The following SESTD1 variants were observed in gnomAD, a reference collection of about 807,000 sequenced individuals.
The protein encoded by SESTD1 is SEC14 domain and spectrin repeat-containing protein 1.
SESTD1 carries 43 observed loss-of-function variants against 101.7 expected under a neutral mutation model. That is an observed-to-expected ratio of 0.42 (90% CI 0.33 to 0.55). The LOEUF is 0.55. Ranked by LOEUF, SESTD1 falls within the 20% of genes least tolerant of loss-of-function variation. The pLI, the probability that SESTD1 is intolerant of heterozygous loss-of-function variation, is 0.07. For missense variants in SESTD1, 647 were observed against 815.1 expected, an observed-to-expected ratio of 0.79 and a Z score of 2.51; for synonymous variants, 283 against 286.8, an observed-to-expected ratio of 0.99 and a Z score of 0.13.
At chr2:179,236,026 AC>A (rs1443376716) in intron 1 of SESTD1, among the ~76,000 whole-genome samples, 5 of 152,088 alleles carry the variant, frequency 3.3e-5, no homozygotes, top group Non-Finnish European at 5.9e-5. Context: ...GAGGATGAGT[AC>A]CCATTCTCTC....
chr2:179,152,199 A>G (rs1041949453), intron 5 of SESTD1, among the ~76,000 whole-genome samples: 2 of 152,206 alleles, frequency 1.3e-5, no homozygotes. Flanking sequence ...CATCATTGCC[A>G]CTCTCACAAT....
chr2:179,160,183 C>G (rs2045708139), intron 5 of SESTD1, among the ~76,000 whole-genome samples: 1 of 152,096 alleles, frequency 6.6e-6, no homozygotes, highest in Admixed American at 6.6e-5. Context: ...AAAGTCCATC[C>G]TCAGAGAGCA....
chr2:179,250,378 T>C (rs906603383), intron 1 of SESTD1, among the ~76,000 whole-genome samples: 2 of 152,118 alleles, frequency 1.3e-5, no homozygotes, highest in African/African-American at 4.8e-5. Flanking sequence ...AGAACCAAAT[T>C]GCAAAAACAC....
intron 1 of SESTD1, among the ~76,000 whole-genome samples, chr2:179,220,195 C>T (rs1363614759): frequency 2.0e-5 from 3 of 152,186 alleles, no homozygotes; most frequent in Non-Finnish European, 2.9e-5. Flanking sequence ...ATCCTCCTCA[C>T]TCTGTCCCTT....
At chr2:179,153,211 A>G (rs1030918328) in intron 5 of SESTD1, among the ~76,000 whole-genome samples, 2 of 152,278 alleles carry the variant, frequency 1.3e-5, no homozygotes, top group Admixed American at 6.5e-5. Flanking sequence ...AATACCTACA[A>G]CCAATGAAGT....
intron 5 of SESTD1, among the ~76,000 whole-genome samples, chr2:179,158,019 C>A (rs1339000515): frequency 6.6e-6 from 1 of 152,086 alleles, no homozygotes; most frequent in Non-Finnish European, 1.5e-5. Flanking sequence ...AAATGATTTC[C>A]AAACCCTTTT....
At chr2:179,116,430 C>G in intron 15 of SESTD1, 1 of 549,884 alleles carries the variant, frequency 1.8e-6, no homozygotes, top group Middle Eastern at 5.1e-4. Context: ...TTAAAAATGC[C>G]GTAATACATA....
At chr2:179,165,429 T>C (rs954235940) in intron 5 of SESTD1, among the ~76,000 whole-genome samples, 3 of 152,194 alleles carry the variant, frequency 2.0e-5, no homozygotes, top group Admixed American at 6.5e-5. Context: ...TTAAGCAGGA[T>C]GTGACAGGTG....
chr2:179,119,661 A>T (rs763070169), intron 13 of SESTD1, among the ~76,000 whole-genome samples: 1 of 152,162 alleles, frequency 6.6e-6, no homozygotes, highest in Non-Finnish European at 1.5e-5. Flanking sequence ...GAATGGACTA[A>T]TAAATACAAG....
intron 1 of SESTD1, among the ~76,000 whole-genome samples, chr2:179,196,396 G>A (rs2046394450): frequency 6.6e-6 from 1 of 152,232 alleles, no homozygotes; most frequent in Admixed American, 6.5e-5. Flanking sequence ...GCCAGCCATT[G>A]CCCAGGCTTG....
rs755529094 is a variant in SESTD1 at position 179,115,048 on chromosome 2, C to T, written c.1839+17G>A. On this transcript the variant is annotated intron_variant, in intron 16 of 17. Coordinates refer to ENST00000428443, the MANE Select transcript of SESTD1 (RefSeq NM_178123.5). ...ATCAATACCACTGAGAATAACATTT[C>T]AAAAACACAAGCAAACCTTTTCAGC... 1 of 1,602,588 alleles carries T rather than the reference C, an allele frequency of 6.2e-7. No individual in the cohort carries two copies. Among genetic ancestry groups the T allele is most frequent in the Non-Finnish European group, 8.5e-7 (1 of 1,176,756 alleles).
At chr2:179,115,017 C>T (rs1321879211) in intron 16 of SESTD1, 48 bp downstream of exon 16, 1 of 1,492,844 alleles carries the variant, frequency 6.7e-7, no homozygotes, top group Non-Finnish European at 9.2e-7. Flanking sequence ...ATTTTAAACA[C>T]ATATAATCAA....
chr2:179,145,279 T>C (rs914690926), intron 8 of SESTD1, among the ~76,000 whole-genome samples: 1 of 152,216 alleles, frequency 6.6e-6, no homozygotes, highest in African/African-American at 2.4e-5. Context: ...AGCATAATGA[T>C]TTCAAAGAGC....
At chr2:179,258,399 A>G (rs958239942) in intron 1 of SESTD1, among the ~76,000 whole-genome samples, 11 of 152,196 alleles carry the variant, frequency 7.2e-5, no homozygotes, top group African/African-American at 2.2e-4. Context: ...TACCAAATCA[A>G]TATCACTGAA....
In SESTD1 at chr2:179,143,596, A is replaced by G; in HGVS notation, c.845T>C (p.Met282Thr). Residue 282 changes from methionine (M) to threonine (T), a missense_variant, in exon 9 of 18, where the codon ATG becomes ACG. Transcript: ENST00000428443. ...TQLEEIQQKV[M>T]QVVNWLEGPG... ...ATATTCAAATCAGACACCTACCTGC[A>G]TTACCTTCTGTTGAATCTCTTCTAA... 1.2e-6 allele frequency: 2 copies of G among 1,613,744 alleles called. No individual in the cohort carries two copies. The highest frequency in any genetic ancestry group is 1.7e-6 in the Non-Finnish European group (2 of 1,179,730).
intron 10 of SESTD1, among the ~76,000 whole-genome samples, chr2:179,130,523 C>G (rs768246548): frequency 6.6e-6 from 1 of 151,896 alleles, no homozygotes; most frequent in South Asian, 2.1e-4. Flanking sequence ...CCATACTATA[C>G]GCAATATGAA....
intron 5 of SESTD1, among the ~76,000 whole-genome samples, chr2:179,155,176 A>G (rs948528818): frequency 2.0e-5 from 3 of 151,912 alleles, no homozygotes; most frequent in Admixed American, 1.3e-4. Context: ...CTGGCCTCCT[A>G]AAGTGCTAGG....
Position 179,213,977 on chromosome 2 carries a change from G to T in SESTD1, c.-25-22111C>A, listed in dbSNP as rs574663680. On this transcript the variant is annotated intron_variant, in intron 1 of 17. Transcript: ENST00000428443. Reference sequence around the variant, plus strand: ...GCCTGCCCCAAAAGAGCTCCTGAAGGAAGCACTCAACATGGGAAGGAACAA... The same window carrying T: ...GCCTGCCCCAAAAGAGCTCCTGAAGTAAGCACTCAACATGGGAAGGAACAA... Among the ~76,000 whole-genome samples the T allele has an allele frequency of 3.0e-5, 4 of 134,604 alleles. 1 individual carries two copies. Among genetic ancestry groups the T allele is most frequent in the Admixed American group, 2.9e-4 (4 of 13,872 alleles). 88.3% of individuals were successfully genotyped at this position (134,604 alleles called of 152,430 possible).
At chr2:179,141,254 G>A (rs1479457545) in intron 9 of SESTD1, among the ~76,000 whole-genome samples, 1 of 152,110 alleles carries the variant, frequency 6.6e-6, no homozygotes, top group Admixed American at 6.6e-5. Flanking sequence ...CTTGCCCAAT[G>A]TTCCCTAGGT....
Sources: allele counts gnomAD v4.1 joint callset (sites outside exome capture counted in the v4.1 genomes callset), GRCh38; gene constraint gnomAD v4.1.1; transcripts MANE v1.5; gene names NCBI Gene and HGNC (gene_info 2026-07-23, HGNC 2026-07-21).